The following SUGP2 variants were observed in gnomAD, a reference collection of about 807,000 sequenced individuals.
The protein encoded by SUGP2 is SURP and G-patch domain-containing protein 2.
In SUGP2, 24 loss-of-function variants were observed where a neutral mutation model predicts 90.5. The ratio of observed to expected loss-of-function variants is 0.27; its 90% confidence interval spans 0.19 to 0.37. The LOEUF (loss-of-function observed/expected upper bound fraction) is 0.37. Ranked by LOEUF, SUGP2 falls within the 10% of genes least tolerant of loss-of-function variation. The pLI is 1.00. For synonymous variants in SUGP2, 473 were observed against 513.4 expected, an observed-to-expected ratio of 0.92 and a Z score of 1.06; for missense variants, 1,233 against 1,363.3, an observed-to-expected ratio of 0.90 and a Z score of 1.51.
At chr19:19,004,073 T>A (rs1270484963) in intron 7 of SUGP2, 95 bp downstream of exon 7, 1 of 1,000,530 alleles carries the variant, frequency 1.0e-6, no homozygotes, top group East Asian at 2.4e-5. Flanking sequence ...AAAACTCTTT[T>A]GGATTAAAAT....
At chr19:19,033,339 G>A (rs975078208) in intron 1 of SUGP2, 98 bp downstream of exon 1, 15 of 1,120,926 alleles carry the variant, frequency 1.3e-5, no homozygotes, top group Middle Eastern at 3.8e-4. Context: ...GGCCGAGCCT[G>A]CGACGCCATC....
In SUGP2 at chr19:19,025,799, A is replaced by G; in HGVS notation, c.549T>C (p.Cys183=). 6.2e-7 allele frequency: 1 copy of G among 1,613,910 alleles called. No individual in the cohort carries two copies. Among genetic ancestry groups the G allele is most frequent in the Non-Finnish European group, 8.5e-7 (1 of 1,179,972 alleles). Residue 183 remains cysteine (C), a synonymous_variant, in exon 3 of 11, where the codon TGT becomes TGC. Transcript: ENST00000452918. ...CATAATCCCGACTCTCCTTCTCCAA[A>G]CACTCTTTCTCAATCAGCCTGGAAG... is the stretch of plus-strand genomic sequence containing the variant. ...FGSSRLIEKE[C]LEKESRDYDV... is the part of the protein sequence containing the mutation.
intron 3 of SUGP2, among the ~76,000 whole-genome samples, chr19:19,021,573 C>T (rs1055214323): frequency 1.3e-5 from 2 of 152,064 alleles, no homozygotes; most frequent in East Asian, 3.8e-4. Flanking sequence ...TTTGGCCCAG[C>T]AATCCTACTC....
intron 4 of SUGP2, among the ~76,000 whole-genome samples, chr19:19,014,812 A>G (rs2058437092): frequency 6.6e-6 from 1 of 152,062 alleles, no homozygotes; most frequent in Non-Finnish European, 1.5e-5. Flanking sequence ...AACAAAAAAA[A>G]AAAAGAACTT....
rs568682595 is a variant in SUGP2, at chr19:18,993,329, C to G, written c.*412G>C. On this transcript the variant is annotated 3_prime_UTR_variant, in exon 11 of 11. Coordinates refer to ENST00000452918, the MANE Select transcript of SUGP2 (RefSeq NM_001017392.5). ...CTGGCGAACAACGAGAAAACACCAT[C>G]TGTGATCGTTTCCACATCACGTTTG... The G allele has an allele frequency of 6.6e-6, 1 of 152,204 alleles. No homozygotes were observed. The highest frequency in any genetic ancestry group is 1.5e-5 in the Non-Finnish European group (1 of 68,044). The allele number at this position is 152,204 out of a possible 1,614,324, so 9.4% of individuals were successfully genotyped here. A position where few individuals can be genotyped will look rare whatever the true frequency, so the allele number is the denominator to read the frequency against.
At chr19:19,018,467 C>G (rs1358275487) in intron 4 of SUGP2, among the ~76,000 whole-genome samples, 1 of 151,994 alleles carries the variant, frequency 6.6e-6, no homozygotes, top group African/African-American at 2.4e-5. Context: ...GCAGGTGGAT[C>G]ATGAGGTCAG....
chr19:19,027,426 G>A (rs1356205671), intron 2 of SUGP2, among the ~76,000 whole-genome samples: 2 of 152,240 alleles, frequency 1.3e-5, no homozygotes, highest in Non-Finnish European at 1.5e-5. Context: ...GGCACCTACT[G>A]TGCGCAAGCA....
intron 4 of SUGP2, among the ~76,000 whole-genome samples, chr19:19,010,914 A>T (rs2058287924): frequency 6.6e-6 from 1 of 151,934 alleles, no homozygotes; most frequent in East Asian, 2.0e-4. Context: ...CTGAGGCGGG[A>T]GGATTGCTTG....
At position 19,024,846 on chromosome 19, in the gene SUGP2, G is replaced by A. The variant is rs1403526089; in HGVS notation, c.1502C>T (p.Ala501Val). ...SSFRQEKILE[A>V]VGLQDIAPSP... is the part of the protein sequence containing the mutation. ...GGGAGCTATATCTTGCAGGCCGACAGCTTCTAAGATTTTCTCCTGCCGGAA... is the reference window on the plus strand; with the variant it reads ...GGGAGCTATATCTTGCAGGCCGACAACTTCTAAGATTTTCTCCTGCCGGAA... Residue 501 changes from alanine (A) to valine (V), a missense_variant, in exon 3 of 11, where the codon GCT becomes GTT. Ala to Val is a moderately conservative substitution (Grantham distance 64, BLOSUM62 0). Coordinates refer to ENST00000452918, the MANE Select transcript of SUGP2 (RefSeq NM_001017392.5). The A allele has an allele frequency of 8.7e-6, 14 of 1,614,202 alleles. No individual in the cohort carries two copies. The highest frequency in any genetic ancestry group is 5.5e-5 in the South Asian group (5 of 91,084).
chr19:18,995,305 A>T, intron 8 of SUGP2, 25 bp from the exon 9 acceptor site: 3 of 1,577,134 alleles, frequency 1.9e-6, no homozygotes, highest in Non-Finnish European at 2.6e-6. Context: ...GAGTCCAGGC[A>T]TGTGGGCCAC....
At chr19:19,012,069 T>C (rs1423344778) in intron 4 of SUGP2, among the ~76,000 whole-genome samples, 4 of 152,192 alleles carry the variant, frequency 2.6e-5, no homozygotes, top group Non-Finnish European at 5.9e-5. Flanking sequence ...TTGGCAGCAC[T>C]GTGTGATGTG....
At position 18,991,040 on chromosome 19, in the gene SUGP2, A is replaced by G. The variant is rs556412524; in HGVS notation, c.*2701T>C. On this transcript the variant is annotated 3_prime_UTR_variant, in exon 11 of 11. Transcript: ENST00000452918. The stretch of plus-strand genomic sequence containing the variant: ...TTTATCAAGGACCAAAAACACTACA[A>G]TTCTCTAAGTGATTTCCAGTGATGG... 6 of 152,208 alleles carry G rather than the reference A, an allele frequency of 3.9e-5. No homozygotes were observed. Among genetic ancestry groups the G allele is most frequent in the Non-Finnish European group, 8.8e-5 (6 of 68,014 alleles). 9.4% of individuals were successfully genotyped at this position (152,208 alleles called of 1,614,324 possible). A position where few individuals can be genotyped will look rare whatever the true frequency, so the allele number is the denominator to read the frequency against.
chr19:19,011,822 C>T (rs914402251), intron 4 of SUGP2, among the ~76,000 whole-genome samples: 2 of 152,118 alleles, frequency 1.3e-5, no homozygotes, highest in Non-Finnish European at 2.9e-5. Flanking sequence ...CATGGCGAAA[C>T]CCCATCTCTT....
intron 4 of SUGP2, among the ~76,000 whole-genome samples, chr19:19,017,373 C>G (rs78775480): frequency 2.0e-5 from 3 of 152,288 alleles, no homozygotes; most frequent in Non-Finnish European, 4.4e-5. Context: ...ACTAGTGAGA[C>G]AGAAGGTCCT....
intron 2 of SUGP2, among the ~76,000 whole-genome samples, chr19:19,029,227 C>T (rs1288988705): frequency 3.3e-5 from 5 of 151,712 alleles, no homozygotes; most frequent in East Asian, 1.9e-4. Flanking sequence ...CTGCAACCTC[C>T]GCCTCCTGGG....
intron 8 of SUGP2, among the ~76,000 whole-genome samples, chr19:18,997,800 AAAAG>A (rs1555725589): frequency 2.1e-3 from 304 of 147,800 alleles, no homozygotes; most frequent in Middle Eastern, 3.4e-3. Flanking sequence ...AAAAAAAAAA[AAAAG>A]AAAGAAAGAA....
At chr19:19,015,952 G>A (rs372851928) in intron 4 of SUGP2, among the ~76,000 whole-genome samples, 8 of 152,066 alleles carry the variant, frequency 5.3e-5, no homozygotes, top group African/African-American at 1.7e-4. Context: ...TAATAGAATC[G>A]TTTTCATAGC....
At chr19:19,011,571 C>T (rs907618311) in intron 4 of SUGP2, among the ~76,000 whole-genome samples, 1 of 152,150 alleles carries the variant, frequency 6.6e-6, no homozygotes, top group African/African-American at 2.4e-5. Context: ...GCTATGATTA[C>T]CCTTCACTCA....
chr19:19,027,938 A>G (rs2145731827), intron 2 of SUGP2, among the ~76,000 whole-genome samples: 1 of 152,254 alleles, frequency 6.6e-6, no homozygotes, highest in South Asian at 2.1e-4. Flanking sequence ...GTCACGCTGC[A>G]TAGCTCTGAC....
Sources: allele counts gnomAD v4.1 joint callset (sites outside exome capture counted in the v4.1 genomes callset), GRCh38; gene constraint gnomAD v4.1.1; transcripts MANE v1.5; gene names NCBI Gene and HGNC (gene_info 2026-07-23, HGNC 2026-07-21).